The following PPP2R1B variants were observed in gnomAD, a reference collection of about 807,000 sequenced individuals.
PPP2R1B encodes serine/threonine-protein phosphatase 2A 65 kDa regulatory subunit A beta isoform.
A neutral mutation model predicts 72.7 loss-of-function variants in PPP2R1B; 58 were observed. The ratio of observed to expected loss-of-function variants is 0.80; its 90% CI spans 0.65 to 0.99. The LOEUF (loss-of-function observed/expected upper bound fraction) is 0.99. Among genes scored for constraint, PPP2R1B ranks in the 50% least tolerant of loss-of-function variants. PPP2R1B has a pLI of 0.00. For missense variants in PPP2R1B, 695 were observed against 733.6 expected (o/e 0.95, Z 0.61); for synonymous variants, 256 against 264.6 (o/e 0.97, Z 0.32).
At chr11:111,719,050 A>C in the PPP2R1B span, among the ~76,000 whole-genome samples, 1 of 152,192 alleles carries the variant, frequency 6.6e-6, no homozygotes, top group African/African-American at 2.4e-5. Flanking sequence ...GATAACGTAT[A>C]TGTTGCTGGA....
chr11:111,708,537 G>A, the PPP2R1B span, among the ~76,000 whole-genome samples: 5 of 152,188 alleles, frequency 3.3e-5, no homozygotes, highest in East Asian at 7.7e-4. Flanking sequence ...GAAAAAATAC[G>A]TCATATTTTT....
At chr11:111,764,417 C>G (rs1394594232) in intron 3 of PPP2R1B, among the ~76,000 whole-genome samples, 1 of 152,058 alleles carries the variant, frequency 6.6e-6, no homozygotes, top group Admixed American at 6.6e-5. Context: ...CAATAAATGT[C>G]AATTAAATTG....
At chr11:111,755,896 C>T (rs901964291) in intron 5 of PPP2R1B, among the ~76,000 whole-genome samples, 11 of 152,022 alleles carry the variant, frequency 7.2e-5, no homozygotes, top group Admixed American at 3.3e-4. Flanking sequence ...TGCGCCTGGC[C>T]GTGTATTTAT....
the PPP2R1B span, among the ~76,000 whole-genome samples, chr11:111,708,718 G>A: frequency 1.3e-5 from 2 of 151,926 alleles, no homozygotes; most frequent in East Asian, 1.9e-4. Context: ...CAAGTAGCTG[G>A]GACCACAAGT....
chr11:111,701,255 CA>C, the PPP2R1B span, among the ~76,000 whole-genome samples: 1 of 152,138 alleles, frequency 6.6e-6, no homozygotes, highest in Admixed American at 6.5e-5. The surrounding 1 kb of genome is among the most constrained non-coding windows in gnomAD (Gnocchi z 4.2). Context: ...TTATCAGATT[CA>C]AATTCTTTGG....
Position 111,753,560 on chromosome 11 carries a change from G to T in PPP2R1B, c.1047C>A (p.Thr349=). The T allele has an allele frequency of 6.2e-7, 1 of 1,607,434 alleles. No individual in the cohort carries two copies. The highest frequency in any genetic ancestry group is 1.1e-5 in the South Asian group (1 of 89,318). The change falls in exon 9 of 15, where the codon ACC becomes ACA. Residue 349 remains threonine (T), a synonymous_variant. Coordinates refer to ENST00000527614, the MANE Select transcript of PPP2R1B (RefSeq NM_002716.5). ...LPYIKELVSD[T]NQHVKSALAS... is the part of the protein sequence containing the mutation. Reference sequence around the variant, plus strand: ...CTAGAGCCGATTTGACATGTTGATTGGTATCGGATACTAATTCCTAAAATA... The same window carrying T: ...CTAGAGCCGATTTGACATGTTGATTTGTATCGGATACTAATTCCTAAAATA...
At position 111,766,298 on chromosome 11, in the gene PPP2R1B, G is replaced by A; in HGVS notation, c.64C>T (p.Leu22=). Residue 22 remains leucine, a synonymous_variant, in exon 1 of 15, where the codon CTA becomes TTA. Transcript: ENST00000527614. ...GAAGGDGDDS[L]YPIAVLIDEL... The stretch of plus-strand genomic sequence containing the variant: ...TCGATTAAAACCGCGATCGGGTATA[G>A]CGAATCATCTCCATCTCCACCCGCT... 5.7e-6 allele frequency: 9 copies of A among 1,584,890 alleles called. No individual in the cohort carries two copies. The highest frequency in any genetic ancestry group is 7.7e-6 in the Non-Finnish European group (9 of 1,168,006).
chr11:111,719,181 T>A, the PPP2R1B span, among the ~76,000 whole-genome samples: 2 of 152,212 alleles, frequency 1.3e-5, no homozygotes, highest in Admixed American at 6.5e-5. Context: ...TTTTCAATCC[T>A]TTTTGTGGTA....
At chr11:111,735,535 G>A (rs972762976), downstream of PPP2R1B, among the ~76,000 whole-genome samples, 1 of 152,190 alleles carries the variant, frequency 6.6e-6, no homozygotes, top group Non-Finnish European at 1.5e-5. Flanking sequence ...GGTGACCCTC[G>A]CTGCTCCCTG....
At chr11:111,715,713 A>G in the PPP2R1B span, among the ~76,000 whole-genome samples, 1 of 152,130 alleles carries the variant, frequency 6.6e-6, no homozygotes, top group South Asian at 2.1e-4. Flanking sequence ...AACCTTGTAG[A>G]ATAAATCTAC....
At chr11:111,722,854 A>T (rs1943843600), downstream of PPP2R1B, 2 of 1,108,552 alleles carry the variant, frequency 1.8e-6, no homozygotes. The surrounding 1 kb of genome is among the most constrained non-coding windows in gnomAD (Gnocchi z 4.4). Flanking sequence ...CGCCACTACT[A>T]GGAAAATAGG....
chr11:111,703,188 T>C, the PPP2R1B span: 36 of 1,611,516 alleles, frequency 2.2e-5, no homozygotes, highest in Non-Finnish European at 2.9e-5. Flanking sequence ...TTTTGTAACA[T>C]TGTGTTTTCT....
chr11:111,737,636 T>C (rs1236923595), downstream of PPP2R1B: 2 of 1,603,396 alleles, frequency 1.2e-6, no homozygotes, highest in African/African-American at 2.7e-5. Flanking sequence ...AGCCCACCTG[T>C]GCTTCCCAGC....
chr11:111,738,459 G>A lies in PPP2R1B; in HGVS notation c.*3137C>T, dbSNP rs1313079761. ...CACAACAGTTAACAAAGGAACAAAA[G>A]TGCACCAGGTTAACCGCCGGGTCAG... On this transcript the variant is annotated 3_prime_UTR_variant, in exon 15 of 15. Transcript: ENST00000527614. The A allele has an allele frequency of 8.1e-6, 8 of 985,454 alleles. No homozygotes were observed. Among genetic ancestry groups the A allele is most frequent in the Non-Finnish European group, 9.6e-6 (8 of 829,962 alleles). The allele number at this position is 985,454 out of a possible 1,614,324, so 61.0% of individuals were successfully genotyped here.
downstream of PPP2R1B, chr11:111,724,127 T>TA (rs766374230): frequency 2.5e-6 from 4 of 1,606,902 alleles, no homozygotes; most frequent in African/African-American, 5.3e-5. Context: ...CCTGGTGAAT[T>TA]AGTCTCAGCA....
At chr11:111,706,552 G>A in the PPP2R1B span, among the ~76,000 whole-genome samples, 1 of 152,136 alleles carries the variant, frequency 6.6e-6, no homozygotes, top group East Asian at 1.9e-4. Context: ...AAAATTTACA[G>A]GATTATAATA....
rs140552721 is a variant in PPP2R1B, at chr11:111,752,301, T to C, written c.1196A>G (p.Asn399Ser). 82 of 1,612,876 alleles carry C rather than the reference T, an allele frequency of 5.1e-5. No homozygotes were observed. The African/African-American group carries it at 8.9e-4, about 18-fold the overall frequency. ...CPDVRLNIIS[N>S]LDCVNEVIGI... The stretch of plus-strand genomic sequence containing the variant: ...AATCACTTCATTTACACAATCCAAA[T>C]TGGAGATGATATTCAAACGAACGTC... The change falls in exon 10 of 15, where the codon AAT (asparagine) becomes AGT (serine). Residue 399 changes from asparagine to serine, a missense_variant. Coordinates refer to ENST00000527614, the MANE Select transcript of PPP2R1B (RefSeq NM_002716.5).
chr11:111,752,108 A>G (rs782687776), intron 10 of PPP2R1B, 51 bp downstream of exon 10: 167 of 1,514,940 alleles, frequency 1.1e-4, no homozygotes, highest in Non-Finnish European at 1.4e-4. Context: ...GCCATGGTAA[A>G]TTGTCACTAT....
At chr11:111,715,793 CTTTTTTTTTTTTTT>C in the PPP2R1B span, among the ~76,000 whole-genome samples, 24 of 81,598 alleles carry the variant, frequency 2.9e-4, no homozygotes, top group Middle Eastern at 0.018. Context: ...TCATTTTTAG[CTTTTTTTTTTTTTT>C]TTTTTTTTTT....
Sources: gnomAD v4.1 joint callset for allele counts (sites outside exome capture counted in the v4.1 genomes callset) on GRCh38, gnomAD v4.1.1 for gene constraint, Gnocchi (gnomAD v3.1) non-coding constraint, MANE v1.5 for transcripts, NCBI Gene and HGNC (gene_info 2026-07-23, HGNC 2026-07-21) for gene names.